GABRG3: variants seen among roughly 807,000 people sequenced by gnomAD.
The protein encoded by GABRG3 is gamma-aminobutyric acid type A receptor subunit gamma3.
GABRG3 carries 25 observed loss-of-function variants against 48.8 expected under a neutral mutation model. The ratio of observed to expected loss-of-function variants is 0.51; its 90% CI spans 0.37 to 0.72. The LOEUF is 0.72. Among genes scored for constraint, GABRG3 ranks in the 30% least tolerant of loss-of-function variants. The pLI, the probability that GABRG3 is intolerant of heterozygous loss-of-function variation, is 0.00. For synonymous variants in GABRG3, 227 were observed against 217.6 expected (o/e 1.04, Z -0.38); for missense variants, 394 against 577.9 (o/e 0.68, Z 3.26).
At chr15:27,238,853 G>C (rs961113186) in intron 3 of GABRG3, among the ~76,000 whole-genome samples, 1 of 152,174 alleles carries the variant, frequency 6.6e-6, no homozygotes, top group Admixed American at 6.5e-5. Context: ...CGTTGCTATT[G>C]TGCTGTACTA....
rs1332421474 is a variant in GABRG3, at chr15:27,307,388, T to TA, written c.271-19419dup. On this transcript the variant is annotated intron_variant, in intron 3 of 9. Coordinates refer to ENST00000615808, the MANE Select transcript of GABRG3 (RefSeq NM_033223.5). ...CCATATAGGTTTATATATTTATATATAACCATATAGGTTTATATATTTATA... is the reference window on the plus strand; with the variant it reads ...CCATATAGGTTTATATATTTATATATAAACCATATAGGTTTATATATTTATA... 1.0e-3 allele frequency among the ~76,000 whole-genome samples: 127 copies of TA among 124,430 alleles called. 35 individuals carry two copies. Among genetic ancestry groups the TA allele is most frequent in the East Asian group, 1.6e-3 (7 of 4,318 alleles). 81.6% of individuals were successfully genotyped at this position (124,430 alleles called of 152,430 possible). A position where few individuals can be genotyped will look rare whatever the true frequency, so the allele number is the denominator to read the frequency against.
In GABRG3 at chr15:27,373,689, C is replaced by T. The variant is rs201922120; in HGVS notation, c.574+44801C>T. Reference sequence around the variant, plus strand: ...ACTTTGAAAATCTGACCTTTAGCAACTTCTGGCGCTTACTTTGCTGTTTGT... The same window carrying T: ...ACTTTGAAAATCTGACCTTTAGCAATTTCTGGCGCTTACTTTGCTGTTTGT... On this transcript the variant is annotated intron_variant, in intron 5 of 9. Coordinates refer to ENST00000615808, the MANE Select transcript of GABRG3 (RefSeq NM_033223.5). Among the ~76,000 whole-genome samples, 15 of 152,156 alleles carry T rather than the reference C, an allele frequency of 9.9e-5. 1 individual carries two copies. Among genetic ancestry groups the T allele is most frequent in the East Asian group, 7.7e-4 (4 of 5,200 alleles).
At chr15:27,164,218 C>G (rs766982164) in intron 3 of GABRG3, among the ~76,000 whole-genome samples, 21 of 152,174 alleles carry the variant, frequency 1.4e-4, no homozygotes, top group Non-Finnish European at 2.1e-4. Context: ...TCTCCAAACA[C>G]ACACACACAC....
chr15:27,198,370 G>T (rs906969955), intron 3 of GABRG3, among the ~76,000 whole-genome samples: 2 of 152,264 alleles, frequency 1.3e-5, no homozygotes, highest in South Asian at 4.1e-4. Flanking sequence ...GAAGACATTT[G>T]TGTGGCCAAA....
intron 2 of GABRG3, among the ~76,000 whole-genome samples, chr15:27,009,532 C>CT (rs974945975): frequency 4.6e-5 from 7 of 152,202 alleles, no homozygotes; most frequent in Non-Finnish European, 7.3e-5. Flanking sequence ...TATTTTTCAG[C>CT]TTCTAATATG....
At chr15:27,339,984 G>A (rs1291624028) in intron 5 of GABRG3, among the ~76,000 whole-genome samples, 1 of 152,114 alleles carries the variant, frequency 6.6e-6, no homozygotes, top group Non-Finnish European at 1.5e-5. Context: ...GGCTGGGGAG[G>A]CGAGCAGTGA....
At chr15:27,108,225 G>C (rs1293899329) in intron 3 of GABRG3, among the ~76,000 whole-genome samples, 1 of 151,914 alleles carries the variant, frequency 6.6e-6, no homozygotes, top group African/African-American at 2.4e-5. Flanking sequence ...CTTTAATTTT[G>C]ACTGACAAAT....
At chr15:27,281,490 A>T (rs1364780796) in intron 3 of GABRG3, among the ~76,000 whole-genome samples, 1 of 143,948 alleles carries the variant, frequency 6.9e-6, no homozygotes, top group Non-Finnish European at 1.5e-5. Context: ...TTTTTTTTAC[A>T]GTTACACTTT....
At chr15:27,418,465 A>G (rs554065741) in intron 5 of GABRG3, among the ~76,000 whole-genome samples, 1 of 152,268 alleles carries the variant, frequency 6.6e-6, no homozygotes, top group East Asian at 1.9e-4. Flanking sequence ...GAAAGCAGCA[A>G]GGGTACGGCA....
At chr15:27,388,821 A>G (rs1896131125) in intron 5 of GABRG3, among the ~76,000 whole-genome samples, 1 of 152,174 alleles carries the variant, frequency 6.6e-6, no homozygotes, top group Non-Finnish European at 1.5e-5. Flanking sequence ...CTGTGAGTTA[A>G]GACCCCATGG....
At chr15:27,292,530 A>G (rs944649395) in intron 3 of GABRG3, among the ~76,000 whole-genome samples, 10 of 152,174 alleles carry the variant, frequency 6.6e-5, no homozygotes, top group Non-Finnish European at 1.0e-4. Flanking sequence ...TTAATTATGT[A>G]TAACCACATA....
At chr15:27,327,083 T>G in intron 4 of GABRG3, 54 bp downstream of exon 4, 3 of 1,443,606 alleles carry the variant, frequency 2.1e-6, no homozygotes, top group Non-Finnish European at 2.9e-6. Context: ...GGATCCTTAA[T>G]TTGAATCACT....
chr15:27,298,437 G>A (rs997649980), intron 3 of GABRG3, among the ~76,000 whole-genome samples: 5 of 152,078 alleles, frequency 3.3e-5, no homozygotes, highest in African/African-American at 9.7e-5. Context: ...GGGAAAGAGG[G>A]AGGTTGTAGT....
intron 3 of GABRG3, among the ~76,000 whole-genome samples, chr15:27,160,833 G>A (rs941552956): frequency 2.0e-5 from 3 of 151,986 alleles, no homozygotes; most frequent in Non-Finnish European, 4.4e-5. Flanking sequence ...GTTCTCTATG[G>A]GCCTCATATT....
chr15:27,101,025 G>A (rs1014621102), intron 3 of GABRG3, among the ~76,000 whole-genome samples: 2 of 152,158 alleles, frequency 1.3e-5, no homozygotes, highest in Non-Finnish European at 2.9e-5. Flanking sequence ...TAAAATAAGT[G>A]TCCTGATTTA....
intron 5 of GABRG3, among the ~76,000 whole-genome samples, chr15:27,400,060 C>A (rs1277028362): frequency 6.6e-6 from 1 of 152,124 alleles, no homozygotes; most frequent in Non-Finnish European, 1.5e-5. Context: ...AATTTTAAAT[C>A]TTTTATCACT....
At chr15:27,406,960 C>T (rs1887653996) in intron 5 of GABRG3, among the ~76,000 whole-genome samples, 1 of 152,030 alleles carries the variant, frequency 6.6e-6, no homozygotes, top group South Asian at 2.1e-4. Context: ...CAGAGTCTGG[C>T]TCTGTCACCC....
At chr15:27,478,123 C>T (rs1041713903) in intron 5 of GABRG3, among the ~76,000 whole-genome samples, 3 of 151,646 alleles carry the variant, frequency 2.0e-5, no homozygotes, top group Non-Finnish European at 2.9e-5. Flanking sequence ...TACTTTATGC[C>T]GCCAAATTGT....
intron 3 of GABRG3, among the ~76,000 whole-genome samples, chr15:27,119,108 G>A (rs1373970352): frequency 1.3e-5 from 2 of 152,144 alleles, no homozygotes; most frequent in African/African-American, 2.4e-5. Flanking sequence ...GGAAAGGTAT[G>A]AAATGTGGAG....
Sources: allele counts gnomAD v4.1 joint callset (sites outside exome capture counted in the v4.1 genomes callset), GRCh38; gene constraint gnomAD v4.1.1; transcripts MANE v1.5; gene names NCBI Gene and HGNC (gene_info 2026-07-23, HGNC 2026-07-21).